FRMD5: variants seen among roughly 807,000 people sequenced by gnomAD.
FRMD5 encodes FERM domain containing 5.
In FRMD5, 20 loss-of-function variants were observed where a neutral mutation model predicts 69.0. That is an observed-to-expected ratio of 0.29 (90% CI 0.20 to 0.42). The LOEUF is 0.42. Ranked by LOEUF, FRMD5 falls within the 10% of genes least tolerant of loss-of-function variation. FRMD5 has a pLI of 1.00. For missense variants in FRMD5, 595 were observed against 708.6 expected, an observed-to-expected ratio of 0.84 and a Z score of 1.82; for synonymous variants, 271 against 260.1, an observed-to-expected ratio of 1.04 and a Z score of -0.40.
At position 43,874,041 on chromosome 15, in the gene FRMD5, C is replaced by A; in HGVS notation, c.1557G>T (p.Leu519=). Residue 519 remains leucine (L), a synonymous_variant, in exon 14 of 14, where the codon CTG becomes CTT. Coordinates refer to ENST00000417257, the MANE Select transcript of FRMD5 (RefSeq NM_032892.5). ...MGLLFVLLLL[L]IILTESDLDI... ...CAAGGTCAGACTCGGTAAGGATGAT[C>A]AGGAGGAGGAGCAAAACAAAGAGGA... 1 of 1,614,200 alleles carries A rather than the reference C, an allele frequency of 6.2e-7. No individual in the cohort carries two copies. Among genetic ancestry groups the A allele is most frequent in the Non-Finnish European group, 8.5e-7 (1 of 1,180,046 alleles).
intron 13 of FRMD5, among the ~76,000 whole-genome samples, chr15:43,879,026 C>T (rs2088449998): frequency 6.7e-6 from 1 of 150,042 alleles, no homozygotes; most frequent in Non-Finnish European, 1.5e-5. Context: ...CAGCCTCCGA[C>T]CCCCGGGTTC....
chr15:43,928,078 G>A (rs1390568690), intron 1 of FRMD5, among the ~76,000 whole-genome samples: 1 of 152,032 alleles, frequency 6.6e-6, no homozygotes, highest in Non-Finnish European at 1.5e-5. Context: ...AGGAAATAAG[G>A]ATATATCCCA....
intron 6 of FRMD5, among the ~76,000 whole-genome samples, chr15:43,903,600 G>A (rs975697496): frequency 1.3e-5 from 2 of 152,210 alleles, no homozygotes; most frequent in Non-Finnish European, 2.9e-5. Context: ...AAAGACTTCT[G>A]CATCCACTAG....
At chr15:44,134,739 C>G (rs776645065) in intron 1 of FRMD5, among the ~76,000 whole-genome samples, 12 of 152,190 alleles carry the variant, frequency 7.9e-5, no homozygotes, top group Admixed American at 7.9e-4. Context: ...CACGAGCCAA[C>G]GCGCCCAGCC....
chr15:43,976,550 A>AGG (rs1225240906), intron 1 of FRMD5, among the ~76,000 whole-genome samples: 3 of 152,256 alleles, frequency 2.0e-5, no homozygotes, highest in Non-Finnish European at 4.4e-5. Context: ...AAAGTGAGAG[A>AGG]GAAGGCAACT....
At chr15:43,930,798 G>A (rs754053312) in intron 1 of FRMD5, among the ~76,000 whole-genome samples, 9 of 152,206 alleles carry the variant, frequency 5.9e-5, no homozygotes, top group Non-Finnish European at 8.8e-5. Context: ...GGTGTGACAC[G>A]CAGGATGTGC....
chr15:44,070,605 G>A (rs1893499927), intron 1 of FRMD5, among the ~76,000 whole-genome samples: 1 of 152,124 alleles, frequency 6.6e-6, no homozygotes, highest in Admixed American at 6.6e-5. Flanking sequence ...AAGAATCAAA[G>A]AGATGATATA....
At chr15:43,897,194 A>G (rs902314957) in intron 7 of FRMD5, among the ~76,000 whole-genome samples, 2 of 152,114 alleles carry the variant, frequency 1.3e-5, no homozygotes, top group African/African-American at 4.8e-5. Context: ...TCTGTTTCTC[A>G]GAAGTGAGGG....
chr15:44,161,588 A>C (rs1024175476), intron 1 of FRMD5, among the ~76,000 whole-genome samples: 6 of 152,352 alleles, frequency 3.9e-5, no homozygotes, highest in African/African-American at 1.4e-4. Context: ...CTCAATGTGT[A>C]ATCATTGTTG....
intron 1 of FRMD5, among the ~76,000 whole-genome samples, chr15:44,143,788 G>T (rs191906350): frequency 6.6e-6 from 1 of 151,574 alleles, no homozygotes; most frequent in African/African-American, 2.4e-5. Context: ...GGCCGGGCGT[G>T]GCGGCACGCA....
chr15:43,951,961 ATGTGTG>A (rs141804253), intron 1 of FRMD5, among the ~76,000 whole-genome samples: 1 of 111,684 alleles, frequency 9.0e-6, no homozygotes, highest in African/African-American at 5.0e-5. Flanking sequence ...CTGTATGTGC[ATGTGTG>A]TGTGTGTGTG....
chr15:44,046,330 G>C (rs1892427820), intron 1 of FRMD5, among the ~76,000 whole-genome samples: 1 of 152,208 alleles, frequency 6.6e-6, no homozygotes, highest in South Asian at 2.1e-4. Context: ...CTCACAGCAA[G>C]AATGGAAGTA....
chr15:44,135,350 T>C (rs545628131), intron 1 of FRMD5, among the ~76,000 whole-genome samples: 1 of 152,320 alleles, frequency 6.6e-6, no homozygotes, highest in Admixed American at 6.5e-5. Flanking sequence ...ACTGGCTTTA[T>C]TTCCTCTAAG....
intron 1 of FRMD5, among the ~76,000 whole-genome samples, chr15:44,119,756 G>C (rs1183983526): frequency 1.3e-5 from 2 of 149,016 alleles, no homozygotes; most frequent in East Asian, 3.9e-4. Flanking sequence ...TTAAGTTTAA[G>C]GCACTGTGTG....
At chr15:43,933,409 G>A (rs142147105) in intron 1 of FRMD5, among the ~76,000 whole-genome samples, 1 of 152,282 alleles carries the variant, frequency 6.6e-6, no homozygotes, top group African/African-American at 2.4e-5. Context: ...ACAGATTGCT[G>A]GGCCCCGCCC....
At chr15:44,040,360 T>C (rs189411584) in intron 1 of FRMD5, among the ~76,000 whole-genome samples, 1 of 151,822 alleles carries the variant, frequency 6.6e-6, no homozygotes, top group Non-Finnish European at 1.5e-5. Flanking sequence ...AGACACATAA[T>C]AGTCAGATTC....
intron 1 of FRMD5, among the ~76,000 whole-genome samples, chr15:44,173,362 C>T (rs1481901362): frequency 1.3e-5 from 2 of 151,930 alleles, no homozygotes; most frequent in Non-Finnish European, 2.9e-5. Flanking sequence ...AGCTAGTTCT[C>T]CTAATAGACA....
At chr15:44,136,891 A>G (rs1281523863) in intron 1 of FRMD5, among the ~76,000 whole-genome samples, 2 of 152,300 alleles carry the variant, frequency 1.3e-5, no homozygotes, top group East Asian at 3.9e-4. Flanking sequence ...ACACCCCAAC[A>G]CATACAAACT....
intron 7 of FRMD5, among the ~76,000 whole-genome samples, chr15:43,893,120 C>T (rs934408033): frequency 1.2e-4 from 16 of 130,872 alleles, no homozygotes; most frequent in Middle Eastern, 3.6e-3. Context: ...ACAAAACAAA[C>T]GAAAAAACAA....
Sources: gnomAD v4.1 joint callset for allele counts (sites outside exome capture counted in the v4.1 genomes callset) on GRCh38, gnomAD v4.1.1 for gene constraint, MANE v1.5 for transcripts, NCBI Gene and HGNC (gene_info 2026-07-23, HGNC 2026-07-21) for gene names.